METTL24: variants seen among roughly 807,000 people sequenced by gnomAD.
METTL24 encodes the protein probable methyltransferase-like protein 24.
In METTL24, 29 loss-of-function variants were observed where a neutral mutation model predicts 32.7. The ratio of observed to expected loss-of-function variants is 0.89; its 90% CI spans 0.66 to 1.21. METTL24 has a LOEUF of 1.21. METTL24 is among the 50% of genes most tolerant of loss of function. The pLI is 0.00. For missense variants in METTL24, 439 were observed against 468.1 expected, an observed-to-expected ratio of 0.94 and a Z score of 0.57; for synonymous variants, 163 against 179.5, an observed-to-expected ratio of 0.91 and a Z score of 0.73.
At chr6:110,266,585 C>T (rs1770861432) in intron 4 of METTL24, among the ~76,000 whole-genome samples, 1 of 152,086 alleles carries the variant, frequency 6.6e-6, no homozygotes, top group Admixed American at 6.6e-5. Flanking sequence ...TTCTCATGAC[C>T]ACCACACTGT....
intron 1 of METTL24, among the ~76,000 whole-genome samples, chr6:110,334,351 G>A (rs79673031): frequency 9.9e-5 from 15 of 152,228 alleles, no homozygotes; most frequent in East Asian, 3.9e-4. Context: ...AACATGGACC[G>A]TGGCAGAAAT....
At chr6:110,337,814 CA>C (rs1241000781) in intron 1 of METTL24, among the ~76,000 whole-genome samples, 8 of 152,218 alleles carry the variant, frequency 5.3e-5, no homozygotes, top group Non-Finnish European at 1.2e-4. Context: ...CTTAATCCTT[CA>C]AGCCTCTACT....
chr6:110,253,847 T>G (rs2114693213), intron 4 of METTL24: 1 of 1,396,592 alleles, frequency 7.2e-7, no homozygotes, highest in Non-Finnish European at 9.4e-7. Flanking sequence ...TATATTTCCA[T>G]GTCAATAAAT....
At chr6:110,275,587 A>T (rs912081385) in intron 4 of METTL24, among the ~76,000 whole-genome samples, 1 of 152,122 alleles carries the variant, frequency 6.6e-6, no homozygotes, top group Non-Finnish European at 1.5e-5. Flanking sequence ...ATAATCTTCA[A>T]ACAAATGTTT....
chr6:110,318,603 G>C (rs1219296651), intron 2 of METTL24, among the ~76,000 whole-genome samples: 2 of 140,090 alleles, frequency 1.4e-5, no homozygotes, highest in African/African-American at 5.4e-5. Context: ...AGTGAGCCGA[G>C]ATTGCGCCAC....
chr6:110,270,855 T>TTTTGGGGGG (rs1770945440), intron 4 of METTL24, among the ~76,000 whole-genome samples: 1 of 150,300 alleles, frequency 6.7e-6, no homozygotes, highest in Admixed American at 6.6e-5. Context: ...TTTTTTTTTT[T>TTTTGGGGGG]GAGGTGGAGT....
intron 1 of METTL24, among the ~76,000 whole-genome samples, chr6:110,349,523 C>G (rs1772551869): frequency 6.6e-6 from 1 of 152,228 alleles, no homozygotes; most frequent in Admixed American, 6.5e-5. Context: ...ACAGCATAAA[C>G]TGGCCCCTCC....
chr6:110,352,557 G>A lies in METTL24; in HGVS notation c.318+5398C>T, dbSNP rs1165946311. On this transcript the variant is annotated intron_variant, in intron 1 of 4. Transcript: ENST00000338882. Reference sequence around the variant, plus strand: ...CAATTTTCATTCAATTATTTGAACAGGATAAAAATGTTTCTTGCACAGCAA... The same window carrying A: ...CAATTTTCATTCAATTATTTGAACAAGATAAAAATGTTTCTTGCACAGCAA... 2.0e-5 allele frequency among the ~76,000 whole-genome samples: 3 copies of A among 151,474 alleles called. 1 individual carries two copies. Among genetic ancestry groups the A allele is most frequent in the South Asian group, 4.2e-4 (2 of 4,790 alleles).
At chr6:110,253,852 A>G in intron 4 of METTL24, 4 of 1,407,276 alleles carry the variant, frequency 2.8e-6, no homozygotes, top group South Asian at 1.7e-5. Context: ...TTCCATGTCA[A>G]TAAATTTTCC....
chr6:110,317,812 G>A (rs570777063), intron 2 of METTL24, among the ~76,000 whole-genome samples: 1 of 151,982 alleles, frequency 6.6e-6, no homozygotes, highest in Non-Finnish European at 1.5e-5. Context: ...CACCTGGGAG[G>A]TACTTAAAAT....
At chr6:110,278,776 C>T (rs1347613857) in intron 4 of METTL24, among the ~76,000 whole-genome samples, 1 of 152,124 alleles carries the variant, frequency 6.6e-6, no homozygotes, top group Non-Finnish European at 1.5e-5. Context: ...AACACTAACA[C>T]TTTGGGAGGC....
chr6:110,253,894 G>C, intron 4 of METTL24: 1 of 1,462,270 alleles, frequency 6.8e-7, no homozygotes, highest in South Asian at 1.5e-5. Context: ...GAGTCCCTCA[G>C]AGCTTTCAGA....
intron 4 of METTL24, among the ~76,000 whole-genome samples, chr6:110,281,648 C>CAAAAA (rs551905021): frequency 8.6e-6 from 1 of 115,990 alleles, no homozygotes. Flanking sequence ...GACTCTGTCT[C>CAAAAA]AAAAAAAAAA....
Position 110,358,097 on chromosome 6 carries a change from G to T in METTL24, c.176C>A (p.Pro59Gln), listed in dbSNP as rs564190655. The T allele has an allele frequency of 1.5e-3, 1,551 of 1,005,634 alleles. 20 individuals carry two copies. In the African/African-American group the frequency reaches 0.025, roughly 16 times the overall value. The allele number at this position is 1,005,634 out of a possible 1,614,324, so 62.3% of individuals were successfully genotyped here. A position where few individuals can be genotyped will look rare whatever the true frequency, so the allele number is the denominator to read the frequency against. The change falls in exon 1 of 5, where the codon CCG (proline) becomes CAG (glutamine). Residue 59 changes from proline (P) to glutamine (Q), a missense_variant. By Grantham distance (76) the Pro-to-Gln change is moderately conservative. Transcript: ENST00000338882. ...PAWRPPGPHL[P>Q]PAPGQPRGAS... The stretch of plus-strand genomic sequence containing the variant: ...GCCGCGCGGCTGGCCCGGCGCGGGC[G>T]GCAGGTGCGGCCCAGGTGGCCGCCA...
At chr6:110,303,843 G>C (rs765344251) in intron 3 of METTL24, among the ~76,000 whole-genome samples, 1 of 152,158 alleles carries the variant, frequency 6.6e-6, no homozygotes, top group African/African-American at 2.4e-5. Flanking sequence ...CTGCAAGTGG[G>C]TACCTGACCC....
chr6:110,311,245 G>C (rs2114743361), intron 3 of METTL24, among the ~76,000 whole-genome samples: 1 of 152,176 alleles, frequency 6.6e-6, no homozygotes, highest in African/African-American at 2.4e-5. Context: ...GGGCATACTT[G>C]TCTGGGTCCT....
At chr6:110,308,163 A>G (rs1019688853) in intron 3 of METTL24, among the ~76,000 whole-genome samples, 8 of 152,174 alleles carry the variant, frequency 5.3e-5, no homozygotes, top group African/African-American at 1.9e-4. Context: ...AATCACCATA[A>G]AAATGATTTT....
chr6:110,254,294 GTTA>G (rs1778340702), intron 4 of METTL24: 1 of 173,950 alleles, frequency 5.7e-6, no homozygotes, highest in South Asian at 2.0e-4. Context: ...TTTAAGAATT[GTTA>G]TTTATTTGGC....
rs200848893 is a variant in METTL24 at position 110,285,945 on chromosome 6, GTAA to G, written c.786+12974_786+12976del. ...TCCATATGTGAAATCTTCCTCTTTTGTAATAATACCGGGCCCTTTGAAAAATCT... is the reference window on the plus strand; with the variant it reads ...TCCATATGTGAAATCTTCCTCTTTTGTAATACCGGGCCCTTTGAAAAATCT... On this transcript the variant is annotated intron_variant, in intron 4 of 4. Transcript: ENST00000338882. 6.8e-4 allele frequency among the ~76,000 whole-genome samples: 103 copies of G among 152,316 alleles called. 3 individuals are homozygous for G. In the East Asian group the frequency reaches 0.019, roughly 29 times the overall value.
Sources: gnomAD v4.1 joint callset for allele counts (sites outside exome capture counted in the v4.1 genomes callset) on GRCh38, gnomAD v4.1.1 for gene constraint, MANE v1.5 for transcripts, NCBI Gene and HGNC (gene_info 2026-07-23, HGNC 2026-07-21) for gene names.